The following MGLL variants were observed in gnomAD, a reference collection of about 807,000 sequenced individuals.
MGLL encodes the protein monoglyceride lipase, also known as lysophospholipase homolog.
MGLL carries 7 observed loss-of-function variants against 29.1 expected under a neutral mutation model. The ratio of observed to expected loss-of-function variants is 0.24; its 90% CI spans 0.14 to 0.45. MGLL has a LOEUF of 0.45. Among genes scored for constraint, MGLL ranks in the 20% least tolerant of loss-of-function variants. MGLL has a pLI of 0.99. For synonymous variants in MGLL, 148 were observed against 168.3 expected (o/e 0.88, Z 0.93); for missense variants, 356 against 413.6 (o/e 0.86, Z 1.21).
intron 3 of MGLL, among the ~76,000 whole-genome samples, chr3:127,730,656 C>G (rs1457569253): frequency 6.6e-6 from 1 of 152,190 alleles, no homozygotes; most frequent in Non-Finnish European, 1.5e-5. Flanking sequence ...GCAACATACC[C>G]CTTCCATAAC....
At chr3:127,805,699 C>A (rs559334550) in intron 2 of MGLL, among the ~76,000 whole-genome samples, 4 of 152,338 alleles carry the variant, frequency 2.6e-5, no homozygotes, top group Non-Finnish European at 4.4e-5. Context: ...GCTTTTAAAG[C>A]AAACAGACTT....
At chr3:127,710,907 G>C in intron 5 of MGLL, 1 of 536,602 alleles carries the variant, frequency 1.9e-6, no homozygotes, top group South Asian at 2.0e-5. Flanking sequence ...CTGCGCCCAA[G>C]GTGGGAAGTC....
At chr3:127,789,124 G>A (rs960570803) in intron 2 of MGLL, among the ~76,000 whole-genome samples, 1 of 152,156 alleles carries the variant, frequency 6.6e-6, no homozygotes, top group Non-Finnish European at 1.5e-5. Flanking sequence ...GGGGGGATGT[G>A]CAAAGGGCAT....
chr3:127,763,668 C>G (rs573415148), intron 3 of MGLL, among the ~76,000 whole-genome samples: 30 of 152,166 alleles, frequency 2.0e-4, no homozygotes, highest in Non-Finnish European at 4.1e-4. Context: ...CTGTCTGTGC[C>G]CTAAGCTCGG....
chr3:127,698,348 T>C (rs1264103444), intron 6 of MGLL, among the ~76,000 whole-genome samples: 1 of 152,162 alleles, frequency 6.6e-6, no homozygotes, highest in South Asian at 2.1e-4. Flanking sequence ...TTTTGACAGC[T>C]TAAGATCTCA....
intron 3 of MGLL, among the ~76,000 whole-genome samples, chr3:127,758,841 G>T (rs1257317022): frequency 1.3e-5 from 2 of 151,878 alleles, no homozygotes; most frequent in African/African-American, 4.8e-5. Context: ...GCTGTAAGTT[G>T]TAAACATGAC....
Position 127,723,985 on chromosome 3 carries a change from A to T in MGLL, c.263-1419T>A, listed in dbSNP as rs61211136. On this transcript the variant is annotated intron_variant, in intron 3 of 7. Transcript: ENST00000265052. ...CTGTAAGGAGAGGGGATTAGAACCC[A>T]GACATAGAGGGAAGATTATGTGAAG... 8.9e-3 allele frequency among the ~76,000 whole-genome samples: 1,363 copies of T among 152,336 alleles called. 16 individuals are homozygous for T. The highest frequency in any genetic ancestry group is 0.031 in the African/African-American group (1,301 of 41,562).
chr3:127,694,286 A>AAAAATAT (rs1174705130), intron 7 of MGLL, among the ~76,000 whole-genome samples: 3 of 97,904 alleles, frequency 3.1e-5, no homozygotes, highest in African/African-American at 4.2e-5. Flanking sequence ...AAAAAAAAAA[A>AAAAATAT]ATATATATAT....
intron 2 of MGLL, among the ~76,000 whole-genome samples, chr3:127,810,277 A>G (rs149328846): frequency 5.3e-5 from 8 of 151,752 alleles, no homozygotes; most frequent in Non-Finnish European, 8.9e-5. Context: ...GTTGTTGAAG[A>G]CCCCCAGTCT....
At chr3:127,813,957 T>C (rs1363392478) in intron 2 of MGLL, among the ~76,000 whole-genome samples, 1 of 151,962 alleles carries the variant, frequency 6.6e-6, no homozygotes, top group African/African-American at 2.4e-5. Flanking sequence ...TCCTCCTCCT[T>C]ATTTTTCCCC....
intron 3 of MGLL, among the ~76,000 whole-genome samples, chr3:127,760,471 G>C (rs2076742515): frequency 6.6e-6 from 1 of 152,254 alleles, no homozygotes; most frequent in South Asian, 2.1e-4. Flanking sequence ...CCCGATGCTG[G>C]CTCTGTCCCT....
At chr3:127,694,295 A>T in intron 7 of MGLL, among the ~76,000 whole-genome samples, 1 of 124,344 alleles carries the variant, frequency 8.0e-6, no homozygotes, top group Non-Finnish European at 1.7e-5. Context: ...AAATATATAT[A>T]TATATATATA....
intron 7 of MGLL, 22 bp downstream of exon 7, chr3:127,694,953 T>C: frequency 5.0e-6 from 8 of 1,610,900 alleles, no homozygotes; most frequent in Non-Finnish European, 6.8e-6. Context: ...TGGGGGGAAG[T>C]GGGCAAGTGG....
chr3:127,817,096 AG>A (rs1479178606), intron 2 of MGLL, among the ~76,000 whole-genome samples: 6 of 152,224 alleles, frequency 3.9e-5, no homozygotes, highest in Non-Finnish European at 7.3e-5. Flanking sequence ...TGGAGAGAAA[AG>A]CCACGTGACC....
intron 3 of MGLL, among the ~76,000 whole-genome samples, chr3:127,748,388 G>A (rs1288535025): frequency 6.6e-6 from 1 of 151,512 alleles, no homozygotes; most frequent in African/African-American, 2.4e-5. Context: ...GGAGGAGGGA[G>A]GGAGGGAGAG....
At chr3:127,809,575 A>G (rs2077625462) in intron 2 of MGLL, among the ~76,000 whole-genome samples, 1 of 152,034 alleles carries the variant, frequency 6.6e-6, no homozygotes, top group African/African-American at 2.4e-5. Context: ...GCAGTGAGCT[A>G]TGATTGAGCC....
intron 3 of MGLL, among the ~76,000 whole-genome samples, chr3:127,750,070 GAGAC>G (rs2076529075): frequency 1.3e-5 from 2 of 152,138 alleles, no homozygotes; most frequent in African/African-American, 2.4e-5. Context: ...AGGGAGGTGG[GAGAC>G]ACAGGTGGTG....
At chr3:127,755,074 G>C (rs1445932913) in intron 3 of MGLL, among the ~76,000 whole-genome samples, 1 of 152,156 alleles carries the variant, frequency 6.6e-6, no homozygotes, top group African/African-American at 2.4e-5. Flanking sequence ...CATCCCCGGG[G>C]GAAAGGTCCT....
At chr3:127,751,380 G>A (rs1430153808) in intron 3 of MGLL, among the ~76,000 whole-genome samples, 2 of 151,470 alleles carry the variant, frequency 1.3e-5, no homozygotes, top group African/African-American at 4.9e-5. Context: ...GCCTGGGCTT[G>A]AAAGGTCTTG....
Sources: allele counts gnomAD v4.1 joint callset (sites outside exome capture counted in the v4.1 genomes callset), GRCh38; gene constraint gnomAD v4.1.1; transcripts MANE v1.5; gene names NCBI Gene and HGNC (gene_info 2026-07-23, HGNC 2026-07-21).